The following FAM20C variants were observed in gnomAD, a reference collection of about 807,000 sequenced individuals.
FAM20C encodes the protein extracellular serine/threonine protein kinase FAM20C.
Under a neutral mutation model 51.5 loss-of-function variants are expected in FAM20C, and 40 were observed. The ratio of observed to expected loss-of-function variants is 0.78; its 90% confidence interval spans 0.60 to 1.01. FAM20C has a LOEUF of 1.01. Ranked by LOEUF, FAM20C falls within the 50% of genes least tolerant of loss-of-function variation. FAM20C has a pLI of 0.00. For synonymous variants in FAM20C, 406 were observed against 380.6 expected, an observed-to-expected ratio of 1.07 and a Z score of -0.78; for missense variants, 861 against 844.7, an observed-to-expected ratio of 1.02 and a Z score of -0.24.
At chr7:240,420 G>GGAGGTGATGATCATGGT (rs2115132371) in intron 3 of FAM20C, among the ~76,000 whole-genome samples, 42 of 2,292 alleles carry the variant, frequency 0.018, 1 homozygote, top group African/African-American at 0.045. Flanking sequence ...TGATGATGGT[G>GGAGGTGATGATCATGGT]ACAGTGATGA....
chr7:259,592 T>TTC lies in FAM20C; in HGVS notation c.1506-133_1506-132dup, dbSNP rs367544198. The TTC allele has an allele frequency of 2.0e-4, 191 of 934,274 alleles. No individual in the cohort carries two copies. In the African/African-American group the frequency reaches 2.6e-3, roughly 13 times the overall value. The allele number at this position is 934,274 out of a possible 1,614,324, so 57.9% of individuals were successfully genotyped here. A position where few individuals can be genotyped will look rare whatever the true frequency, so the allele number is the denominator to read the frequency against. On this transcript the variant is annotated intron_variant, in intron 9 of 9. Transcript: ENST00000313766. ...TTTCTCTGTGTATGTCTCTGTCTTTTTCTCTCTGTCTCTGTCCCCCTCTTT... is the reference window on the plus strand; with the variant it reads ...TTTCTCTGTGTATGTCTCTGTCTTTTTCTCTCTCTGTCTCTGTCCCCCTCTTT...
intron 2 of FAM20C, among the ~76,000 whole-genome samples, chr7:206,025 G>A (rs540134059): frequency 3.9e-4 from 60 of 152,032 alleles, no homozygotes; most frequent in Non-Finnish European, 6.8e-4. Context: ...GGCCCTCCCC[G>A]AGCTCCACGC....
At chr7:209,712 A>G (rs1226314449) in intron 3 of FAM20C, among the ~76,000 whole-genome samples, 1 of 152,200 alleles carries the variant, frequency 6.6e-6, no homozygotes, top group Non-Finnish European at 1.5e-5. Flanking sequence ...TCAGCTCACT[A>G]GATCTTGGCC....
At chr7:210,420 G>A (rs1375580582) in intron 3 of FAM20C, among the ~76,000 whole-genome samples, 3 of 152,156 alleles carry the variant, frequency 2.0e-5, no homozygotes, top group South Asian at 4.1e-4. Flanking sequence ...GGATGCTGTG[G>A]TGTGGAGCCG....
At chr7:235,695 T>C (rs1450632553) in intron 3 of FAM20C, among the ~76,000 whole-genome samples, 1 of 152,154 alleles carries the variant, frequency 6.6e-6, no homozygotes, top group East Asian at 1.9e-4. Context: ...GCCGGTCAGC[T>C]CAGCTTGCTG....
chr7:257,349 G>A (rs1289845855), intron 8 of FAM20C: 2 of 505,356 alleles, frequency 4.0e-6, no homozygotes, highest in African/African-American at 3.9e-5. Context: ...CTGGGAAACG[G>A]AGGCCAGGAG....
At chr7:236,778 G>A (rs1230133404) in intron 3 of FAM20C, among the ~76,000 whole-genome samples, 2 of 149,744 alleles carry the variant, frequency 1.3e-5, no homozygotes, top group South Asian at 2.1e-4. Context: ...GAGGTGAGGC[G>A]GGTGCCCTGG....
intron 5 of FAM20C, 33 bp from the exon 6 acceptor site, chr7:255,816 G>A (rs1341562811): frequency 1.2e-5 from 18 of 1,535,690 alleles, no homozygotes; most frequent in African/African-American, 4.1e-5. Context: ...AGCCCTGTGC[G>A]GCCCTGGTAA....
At chr7:241,798 C>T (rs1346098045) in intron 3 of FAM20C, among the ~76,000 whole-genome samples, 1 of 151,336 alleles carries the variant, frequency 6.6e-6, no homozygotes, top group African/African-American at 2.4e-5. Context: ...TGCATGTGCA[C>T]ACGTGTGAAT....
chr7:241,664 G>A (rs1478143060), intron 3 of FAM20C, among the ~76,000 whole-genome samples: 6 of 152,112 alleles, frequency 3.9e-5, no homozygotes, highest in Non-Finnish European at 7.4e-5. Context: ...GTGCATGAAT[G>A]TGTGTACGCA....
chr7:259,582 C>CTCTTTCTG, intron 9 of FAM20C, 149 bp from the exon 10 acceptor site: 1 of 1,004,570 alleles, frequency 1.0e-6, no homozygotes, highest in Non-Finnish European at 1.4e-6. Flanking sequence ...CTGTGTATGT[C>CTCTTTCTG]TCTGTCTTTT....
chr7:195,666 T>C lies in FAM20C; in HGVS notation c.718T>C (p.Ser240Pro). ...HIGINRYELY[S>P]RHNPAIEALL... ...TGGTATCAACCGGTACGAGCTGTAC[T>C]CCAGACACAACCCGGCCATCGAGGC... The change falls in exon 2 of 10, where the codon TCC (serine) becomes CCC (proline). Residue 240 changes from serine to proline, a missense_variant. Coordinates refer to ENST00000313766, the MANE Select transcript of FAM20C (RefSeq NM_020223.4). 6.2e-7 allele frequency: 1 copy of C among 1,611,348 alleles called. No individual in the cohort carries two copies. Among genetic ancestry groups the C allele is most frequent in the Non-Finnish European group, 8.5e-7 (1 of 1,178,860 alleles).
intron 3 of FAM20C, among the ~76,000 whole-genome samples, chr7:227,201 C>CG (rs1438231439): frequency 2.6e-5 from 4 of 151,926 alleles, no homozygotes; most frequent in African/African-American, 7.3e-5. Context: ...TGACGGTCGC[C>CG]GGGGTGCCGC....
At chr7:211,283 T>C (rs1233765053) in intron 3 of FAM20C, among the ~76,000 whole-genome samples, 2 of 141,172 alleles carry the variant, frequency 1.4e-5, no homozygotes, top group African/African-American at 5.3e-5. Context: ...CAGCCTTTTC[T>C]GAGCCTCCCC....
At chr7:226,564 G>A (rs1188506878) in intron 3 of FAM20C, among the ~76,000 whole-genome samples, 5 of 152,072 alleles carry the variant, frequency 3.3e-5, no homozygotes, top group Admixed American at 1.3e-4. Context: ...TCGTGGCCCC[G>A]ATACCAGGTG....
At chr7:258,200 G>T (rs1166294184) in intron 8 of FAM20C, among the ~76,000 whole-genome samples, 23 of 141,734 alleles carry the variant, frequency 1.6e-4, no homozygotes, top group South Asian at 2.2e-4. Flanking sequence ...AGATAGGCAG[G>T]GTGGACCCAC....
At chr7:245,014 C>G (rs948169325) in intron 3 of FAM20C, among the ~76,000 whole-genome samples, 6 of 152,220 alleles carry the variant, frequency 3.9e-5, no homozygotes, top group African/African-American at 1.4e-4. Flanking sequence ...AGACGTGGTC[C>G]CCCCGAAGGG....
At chr7:237,764 T>TG (rs1787891499) in intron 3 of FAM20C, among the ~76,000 whole-genome samples, 1 of 152,154 alleles carries the variant, frequency 6.6e-6, no homozygotes, top group Non-Finnish European at 1.5e-5. Flanking sequence ...ATGATGATGG[T>TG]GATGGTGATG....
At chr7:218,440 G>T (rs965238131) in intron 3 of FAM20C, among the ~76,000 whole-genome samples, 34 of 152,226 alleles carry the variant, frequency 2.2e-4, no homozygotes, top group Non-Finnish European at 7.3e-5. Context: ...CCCCTCTGAC[G>T]GGACTGCACG....
Sources: gnomAD v4.1 joint callset for allele counts (sites outside exome capture counted in the v4.1 genomes callset) on GRCh38, gnomAD v4.1.1 for gene constraint, MANE v1.5 for transcripts, NCBI Gene and HGNC (gene_info 2026-07-23, HGNC 2026-07-21) for gene names.